NIP7: variants seen among roughly 807,000 people sequenced by gnomAD.
The protein encoded by NIP7 is 60S ribosome subunit biogenesis protein NIP7 homolog.
NIP7 carries 12 observed loss-of-function variants against 20.1 expected under a neutral mutation model. The observed-to-expected ratio is 0.60, with a 90% CI of 0.38 to 0.97. The LOEUF is 0.97. NIP7 is among the 50% of genes least tolerant of loss of function. The pLI is 0.00. For missense variants in NIP7, 226 were observed against 226.6 expected, an observed-to-expected ratio of 1.00 and a Z score of 0.02; for synonymous variants, 103 against 87.2, an observed-to-expected ratio of 1.18 and a Z score of -1.01.
rs916113059 is a variant in NIP7 at position 69,341,514 on chromosome 16, C to T, written c.424-19C>T. ...TTGAATGACTTCAGTGAGTTAGTGT[C>T]TCTTCTTTTGAATCCCAGGGTTTTG... On this transcript the variant is annotated intron_variant, in intron 4 of 4. Coordinates refer to ENST00000254940, the MANE Select transcript of NIP7 (RefSeq NM_016101.5). The T allele has an allele frequency of 4.3e-6, 7 of 1,613,508 alleles. No individual in the cohort carries two copies. The highest frequency in any genetic ancestry group is 1.7e-5 in the Admixed American group (1 of 59,926).
rs139418044 is a variant in NIP7 at position 69,339,855 on chromosome 16, C to T, written c.26C>T (p.Thr9Ile). ...ATGCGGCCTTTGACTGAAGAGGAGACCCGTGTCATGTTTGAGAAGATAGCG... is the reference window on the plus strand; with the variant it reads ...ATGCGGCCTTTGACTGAAGAGGAGATCCGTGTCATGTTTGAGAAGATAGCG... MRPLTEEETRVMFEKIAKY... is the reference protein window; with the variant it reads MRPLTEEEIRVMFEKIAKY... The change falls in exon 1 of 5, where the codon ACC (threonine) becomes ATC (isoleucine). Residue 9 changes from threonine to isoleucine, a missense_variant. Transcript: ENST00000254940. 1.2e-6 allele frequency: 2 copies of T among 1,613,696 alleles called. No individual in the cohort carries two copies. Among genetic ancestry groups the T allele is most frequent in the Admixed American group, 1.7e-5 (1 of 60,008 alleles).
At chr16:69,340,355 C>T (rs758031244) in intron 3 of NIP7, 23 bp downstream of exon 3, 2 of 1,604,582 alleles carry the variant, frequency 1.2e-6, no homozygotes, top group Admixed American at 1.7e-5. Context: ...GTTTCCAATT[C>T]TGCCACGGGC....
Position 69,339,899 on chromosome 16 carries a change from G to T in NIP7, c.56+14G>T, listed in dbSNP as rs1233742816. 6.2e-7 allele frequency: 1 copy of T among 1,613,524 alleles called. No homozygotes were observed. The highest frequency in any genetic ancestry group is 1.1e-5 in the South Asian group (1 of 91,070). The stretch of plus-strand genomic sequence containing the variant: ...GATAGCGAAATAGTAGGAGCGCGCG[G>T]GGCGGACGCGGGAGTGTGTGGGTGT... On this transcript the variant is annotated intron_variant, in intron 1 of 4. Transcript: ENST00000254940.
intron 3 of NIP7, chr16:69,340,579 A>G (rs1360552186): frequency 7.9e-6 from 4 of 506,946 alleles, no homozygotes; most frequent in Admixed American, 3.3e-5. Flanking sequence ...AGAGATCAGA[A>G]AGCAAATAAG....
chr16:69,340,606 A>C (rs2012501746), intron 3 of NIP7: 1 of 455,026 alleles, frequency 2.2e-6, no homozygotes, highest in South Asian at 4.1e-5. Context: ...CAATGAAGAC[A>C]CCGGGGTCCA....
At chr16:69,340,517 G>C in intron 3 of NIP7, 185 bp downstream of exon 3, 1 of 731,776 alleles carries the variant, frequency 1.4e-6, no homozygotes, top group Non-Finnish European at 2.2e-6. Context: ...CTATGTGGCT[G>C]CGTAGGGTTA....
Position 69,341,517 on chromosome 16 carries a change from T to C in NIP7, c.424-16T>C, listed in dbSNP as rs1309293141. 6.2e-7 allele frequency: 1 copy of C among 1,613,262 alleles called. No homozygotes were observed. Among genetic ancestry groups the C allele is most frequent in the Non-Finnish European group, 8.5e-7 (1 of 1,179,802 alleles). On this transcript the variant is annotated splice_polypyrimidine_tract_variant and intron_variant, in intron 4 of 4. Coordinates refer to ENST00000254940, the MANE Select transcript of NIP7 (RefSeq NM_016101.5). The stretch of plus-strand genomic sequence containing the variant: ...AATGACTTCAGTGAGTTAGTGTCTC[T>C]TCTTTTGAATCCCAGGGTTTTGGGG...
intron 1 of NIP7, 34 bp from the exon 2 acceptor site, chr16:69,339,972 C>T (rs1395710220): frequency 1.2e-6 from 2 of 1,613,008 alleles, no homozygotes; most frequent in Non-Finnish European, 8.5e-7. Flanking sequence ...CCGGTTCGTT[C>T]GGGCGCGGTC....
chr16:69,340,325 A>T lies in NIP7; in HGVS notation c.275A>T (p.Tyr92Phe). Reference sequence around the variant, plus strand: ...ACAGCTCTGGATTACCTTGCACCTTATGCCAAGGTTTGTGGGGCGGTTTCC... The same window carrying T: ...ACAGCTCTGGATTACCTTGCACCTTTTGCCAAGGTTTGTGGGGCGGTTTCC... Reference protein sequence around the residue: ...HVTALDYLAPYAKYKVWIKPG... With the variant: ...HVTALDYLAPFAKYKVWIKPG... The change falls in exon 3 of 5, where the codon TAT becomes TTT. Residue 92 changes from tyrosine (Y) to phenylalanine (F), a missense_variant. Coordinates refer to ENST00000254940, the MANE Select transcript of NIP7 (RefSeq NM_016101.5). 5 of 1,612,230 alleles carry T rather than the reference A, an allele frequency of 3.1e-6. No individual in the cohort carries two copies. The highest frequency in any genetic ancestry group is 4.2e-6 in the Non-Finnish European group (5 of 1,179,926).
intron 4 of NIP7, 47 bp downstream of exon 4, chr16:69,341,367 A>G: frequency 1.9e-6 from 3 of 1,604,188 alleles, no homozygotes; most frequent in Non-Finnish European, 2.6e-6. Flanking sequence ...CTCTTATTCA[A>G]GAAGGGTATG....
chr16:69,341,058 T>A, intron 3 of NIP7, 122 bp from the exon 4 acceptor site: 1 of 822,272 alleles, frequency 1.2e-6, no homozygotes, highest in Non-Finnish European at 1.9e-6. Flanking sequence ...GAGGAAAACA[T>A]GAGTCTCTCT....
At position 69,339,785 on chromosome 16, in the gene NIP7, A is replaced by C. The variant is rs768545044; in HGVS notation, c.-45A>C. 1 of 1,608,376 alleles carries C rather than the reference A, an allele frequency of 6.2e-7. No individual in the cohort carries two copies. The highest frequency in any genetic ancestry group is 1.1e-5 in the South Asian group (1 of 90,930). ...CAGCGAGCGACCGACTTCCGTTTCCAGTTACCAAGGCACGAGGATCCGGTG... is the reference window on the plus strand; with the variant it reads ...CAGCGAGCGACCGACTTCCGTTTCCCGTTACCAAGGCACGAGGATCCGGTG... On this transcript the variant is annotated 5_prime_UTR_variant, in exon 1 of 5. Coordinates refer to ENST00000254940, the MANE Select transcript of NIP7 (RefSeq NM_016101.5).
chr16:69,341,336 A>G lies in NIP7; in HGVS notation c.423+16A>G, dbSNP rs561020487. The G allele has an allele frequency of 2.2e-5, 35 of 1,612,512 alleles. No homozygotes were observed. In the East Asian group the frequency reaches 6.7e-4, roughly 31 times the overall value. On this transcript the variant is annotated intron_variant, in intron 4 of 4. Transcript: ENST00000254940. ...CATCCCTTTGGTGAGTAGAGATGGT[A>G]GCTGTTACAGAACTCAAGTACTCTT...
chr16:69,339,992 C>T lies in NIP7; in HGVS notation c.57-14C>T. On this transcript the variant is annotated splice_polypyrimidine_tract_variant and intron_variant, in intron 1 of 4. Transcript: ENST00000254940. Reference sequence around the variant, plus strand: ...TCGTTCGGGCGCGGTCTCCAGTCCTCTTTTTGCCCTCAGCATTGGGGAGAA... The same window carrying T: ...TCGTTCGGGCGCGGTCTCCAGTCCTTTTTTTGCCCTCAGCATTGGGGAGAA... 1.2e-6 allele frequency: 2 copies of T among 1,613,526 alleles called. No individual in the cohort carries two copies. Among genetic ancestry groups the T allele is most frequent in the Non-Finnish European group, 1.7e-6 (2 of 1,180,002 alleles).
rs779852866 is a variant in NIP7 at position 69,340,213 on chromosome 16, G to A, written c.163G>A (p.Ala55Thr). Reference sequence around the variant, plus strand: ...TTTTAGTGAGAAGATTATGAAGCTGGCCGCCAATATTTCCGGGGACAAGCT... The same window carrying A: ...TTTTAGTGAGAAGATTATGAAGCTGACCGCCAATATTTCCGGGGACAAGCT... ...YYVSEKIMKL[A>T]ANISGDKLVS... Residue 55 changes from alanine to threonine, a missense_variant, in exon 3 of 5, where the codon GCC becomes ACC. Ala to Thr is a moderately conservative substitution (Grantham distance 58). Transcript: ENST00000254940. The A allele has an allele frequency of 3.7e-6, 6 of 1,614,148 alleles. No individual in the cohort carries two copies. Among genetic ancestry groups the A allele is most frequent in the Non-Finnish European group, 5.1e-6 (6 of 1,180,032 alleles).
At position 69,341,772 on chromosome 16, in the gene NIP7, T is replaced by G. The variant is rs2012564166; in HGVS notation, c.*120T>G. 8.6e-7 allele frequency: 1 copy of G among 1,168,590 alleles called. No homozygotes were observed. 72.4% of individuals were successfully genotyped at this position (1,168,590 alleles called of 1,614,324 possible). A position where few individuals can be genotyped will look rare whatever the true frequency, so the allele number is the denominator to read the frequency against. On this transcript the variant is annotated 3_prime_UTR_variant, in exon 5 of 5. Transcript: ENST00000254940. ...ACACTCTGGCCTCTTCAGGGACTTC[T>G]TATTTACTGTACTCTCTATCACTGA...
At chr16:69,340,974 A>C (rs938867085) in intron 3 of NIP7, 1 of 477,224 alleles carries the variant, frequency 2.1e-6, no homozygotes, top group African/African-American at 2.0e-5. Flanking sequence ...TGGCCTCCCA[A>C]AGTGCTGGGA....
Position 69,340,101 on chromosome 16 carries a change from G to A in NIP7, c.143+9G>A. 8.1e-6 allele frequency: 13 copies of A among 1,613,400 alleles called. No individual in the cohort carries two copies. The highest frequency in any genetic ancestry group is 1.1e-5 in the Non-Finnish European group (13 of 1,180,000). ...CGGGTGTACTATGTGAGGTGAGGCG[G>A]GGCCGGGCAGGCAGCATGGACCCAG... On this transcript the variant is annotated intron_variant, in intron 2 of 4. Transcript: ENST00000254940.
chr16:69,341,673 A>G lies in NIP7; in HGVS notation c.*21A>G. ...CTTAAAACGAAGCCATTCCAAGGACAGACGGCTGTATGGAAAGGCCGAGCT... is the reference window on the plus strand; with the variant it reads ...CTTAAAACGAAGCCATTCCAAGGACGGACGGCTGTATGGAAAGGCCGAGCT... On this transcript the variant is annotated 3_prime_UTR_variant, in exon 5 of 5. Coordinates refer to ENST00000254940, the MANE Select transcript of NIP7 (RefSeq NM_016101.5). 1 of 1,613,346 alleles carries G rather than the reference A, an allele frequency of 6.2e-7. No homozygotes were observed.
Sources: allele counts gnomAD v4.1 joint callset, GRCh38; gene constraint gnomAD v4.1.1; transcripts MANE v1.5; gene names NCBI Gene and HGNC (gene_info 2026-07-23, HGNC 2026-07-21).